COMMD1: variants seen among roughly 807,000 people sequenced by gnomAD.
The protein encoded by COMMD1 is COMM domain-containing protein 1.
A neutral mutation model predicts 17.2 loss-of-function variants in COMMD1; 10 were observed. The ratio of observed to expected loss-of-function variants is 0.58; its 90% CI spans 0.36 to 0.99. COMMD1 has a LOEUF of 0.99. Ranked by LOEUF, COMMD1 falls within the 50% of genes least tolerant of loss-of-function variation. The pLI, the probability that COMMD1 is intolerant of heterozygous loss-of-function variation, is 0.01. For missense variants in COMMD1, 270 were observed against 231.8 expected (o/e 1.17, Z -1.07); for synonymous variants, 97 against 91.6 (o/e 1.06, Z -0.34).
chr2:62,054,264 A>G (rs889248281), intron 2 of COMMD1, among the ~76,000 whole-genome samples: 22 of 152,196 alleles, frequency 1.4e-4, no homozygotes, highest in Non-Finnish European at 2.9e-4. Context: ...ACATCCTTGG[A>G]GATAATGCCA....
chr2:61,972,315 G>A (rs1671671835), intron 1 of COMMD1, among the ~76,000 whole-genome samples: 1 of 152,056 alleles, frequency 6.6e-6, no homozygotes, highest in African/African-American at 2.4e-5. Context: ...TTTGTGTGGA[G>A]GTGGGAAACA....
At chr2:61,973,912 G>A (rs1007963406) in intron 1 of COMMD1, among the ~76,000 whole-genome samples, 3 of 152,098 alleles carry the variant, frequency 2.0e-5, no homozygotes, top group African/African-American at 4.8e-5. Flanking sequence ...AAATTCCCTT[G>A]TGCCTCTTCC....
At chr2:62,123,441 G>T (rs1672801736) in intron 2 of COMMD1, among the ~76,000 whole-genome samples, 1 of 150,470 alleles carries the variant, frequency 6.6e-6, no homozygotes, top group Non-Finnish European at 1.5e-5. Flanking sequence ...GGAGGCGGAG[G>T]GTGTAGTGAG....
intron 1 of COMMD1, among the ~76,000 whole-genome samples, chr2:61,915,971 C>G (rs948753759): frequency 2.6e-5 from 4 of 151,142 alleles, no homozygotes; most frequent in Non-Finnish European, 4.4e-5. Flanking sequence ...TGCGCCCAGC[C>G]TATTTATTTA....
At chr2:62,110,593 A>G (rs1045493343) in intron 2 of COMMD1, among the ~76,000 whole-genome samples, 1 of 152,176 alleles carries the variant, frequency 6.6e-6, no homozygotes, top group African/African-American at 2.4e-5. Context: ...TCTGTGAGGC[A>G]GTGTGGACAC....
chr2:61,990,236 A>C (rs1189873333), intron 1 of COMMD1, among the ~76,000 whole-genome samples: 1 of 152,234 alleles, frequency 6.6e-6, no homozygotes, highest in African/African-American at 2.4e-5. Context: ...AAATGAAGCT[A>C]GAGAAGGGGA....
At chr2:62,044,433 G>C (rs1217115245) in intron 2 of COMMD1, among the ~76,000 whole-genome samples, 1 of 152,140 alleles carries the variant, frequency 6.6e-6, no homozygotes, top group East Asian at 1.9e-4. Flanking sequence ...GTTCTGCCTT[G>C]ATCCTTTTAC....
At chr2:61,984,459 A>G (rs983058266) in intron 1 of COMMD1, among the ~76,000 whole-genome samples, 21 of 152,192 alleles carry the variant, frequency 1.4e-4, no homozygotes, top group African/African-American at 4.3e-4. Flanking sequence ...ATATGTTTGC[A>G]TAGTTTCCAA....
intron 1 of COMMD1, among the ~76,000 whole-genome samples, chr2:61,926,964 C>T (rs554211405): frequency 3.9e-5 from 6 of 152,196 alleles, no homozygotes; most frequent in African/African-American, 1.4e-4. Context: ...TCACTTTTGG[C>T]TTAACAATCT....
At chr2:62,060,399 T>G (rs551037662) in intron 2 of COMMD1, among the ~76,000 whole-genome samples, 1 of 152,302 alleles carries the variant, frequency 6.6e-6, no homozygotes, top group South Asian at 2.1e-4. Flanking sequence ...ACCACAGAAT[T>G]CTGTTTATGA....
intron 2 of COMMD1, among the ~76,000 whole-genome samples, chr2:62,054,031 G>T (rs1262482208): frequency 1.3e-5 from 2 of 152,156 alleles, no homozygotes; most frequent in East Asian, 1.9e-4. Context: ...CTACTAAAAA[G>T]TGGGCAAAGG....
chr2:62,021,202 T>C (rs1413890236), intron 2 of COMMD1, among the ~76,000 whole-genome samples: 2 of 152,204 alleles, frequency 1.3e-5, no homozygotes, highest in Admixed American at 6.5e-5. Flanking sequence ...TGAATTTTGC[T>C]GGGAAGCCAT....
chr2:61,889,807 C>T (rs999133697), intron 1 of COMMD1, among the ~76,000 whole-genome samples: 1 of 152,168 alleles, frequency 6.6e-6, no homozygotes, highest in African/African-American at 2.4e-5. Flanking sequence ...GACGTAGCCA[C>T]TGACTCTTAG....
chr2:62,051,903 A>C (rs1266329658), intron 2 of COMMD1, among the ~76,000 whole-genome samples: 1 of 152,240 alleles, frequency 6.6e-6, no homozygotes, highest in African/African-American at 2.4e-5. Context: ...TAGCTCATTT[A>C]CTAAGCTGAG....
chr2:61,911,489 A>T (rs1307574147), intron 1 of COMMD1, among the ~76,000 whole-genome samples: 1 of 152,114 alleles, frequency 6.6e-6, no homozygotes, highest in African/African-American at 2.4e-5. Flanking sequence ...TTATTTATTT[A>T]GAGACAGGGA....
At chr2:61,915,366 G>A (rs1323702855) in intron 1 of COMMD1, among the ~76,000 whole-genome samples, 1 of 151,730 alleles carries the variant, frequency 6.6e-6, no homozygotes, top group Non-Finnish European at 1.5e-5. Flanking sequence ...TCAAATGTTA[G>A]ACCTCCTAGA....
intron 2 of COMMD1, among the ~76,000 whole-genome samples, chr2:62,091,036 G>C (rs1671811965): frequency 1.3e-5 from 2 of 152,212 alleles, no homozygotes; most frequent in African/African-American, 4.8e-5. Flanking sequence ...TTCCACAGGT[G>C]TTTGGATTGT....
intron 1 of COMMD1, among the ~76,000 whole-genome samples, chr2:61,921,732 C>T (rs965202493): frequency 6.3e-4 from 96 of 152,052 alleles, no homozygotes; most frequent in Admixed American, 6.0e-3. Context: ...CGTGAGCCAC[C>T]GTGCCCAGCC....
intron 1 of COMMD1, among the ~76,000 whole-genome samples, chr2:61,960,645 C>G (rs1671316721): frequency 6.6e-6 from 1 of 152,220 alleles, no homozygotes; most frequent in Non-Finnish European, 1.5e-5. Context: ...AATCATTACA[C>G]AGACACCTCC....
Sources: gnomAD v4.1 joint callset for allele counts (sites outside exome capture counted in the v4.1 genomes callset) on GRCh38, gnomAD v4.1.1 for gene constraint, MANE v1.5 for transcripts, NCBI Gene and HGNC (gene_info 2026-07-23, HGNC 2026-07-21) for gene names.